The following APBA1 variants were observed in gnomAD, a reference collection of about 807,000 sequenced individuals.
APBA1 encodes amyloid-beta A4 precursor protein-binding family A member 1.
Under a neutral mutation model 86.6 loss-of-function variants are expected in APBA1, and 55 were observed. That is an observed-to-expected ratio of 0.64 (90% confidence interval 0.51 to 0.80). The LOEUF is 0.80. Among genes scored for constraint, APBA1 ranks in the 30% least tolerant of loss-of-function variants. The pLI is 0.00. For missense variants in APBA1, 1,090 were observed against 1,183.0 expected, an observed-to-expected ratio of 0.92 and a Z score of 1.15; for synonymous variants, 511 against 493.9, an observed-to-expected ratio of 1.03 and a Z score of -0.46.
At chr9:69,583,635 TAA>T (rs1821959941) in intron 1 of APBA1, among the ~76,000 whole-genome samples, 1 of 152,212 alleles carries the variant, frequency 6.6e-6, no homozygotes, top group Non-Finnish European at 1.5e-5. Context: ...AAAATCATCT[TAA>T]AAGAGATTTC....
chr9:69,497,010 T>A (rs1199769502), intron 2 of APBA1, among the ~76,000 whole-genome samples: 1 of 152,094 alleles, frequency 6.6e-6, no homozygotes, highest in African/African-American at 2.4e-5. Context: ...CTAGTCAGAC[T>A]CAAATAAAAC....
At chr9:69,657,124 C>T (rs1033417876) in intron 1 of APBA1, among the ~76,000 whole-genome samples, 2 of 152,108 alleles carry the variant, frequency 1.3e-5, no homozygotes, top group Non-Finnish European at 2.9e-5. Flanking sequence ...GGATTACAGG[C>T]GTGAGCCACC....
At chr9:69,457,781 C>T (rs1410541779) in intron 6 of APBA1, among the ~76,000 whole-genome samples, 2 of 152,090 alleles carry the variant, frequency 1.3e-5, no homozygotes, top group Non-Finnish European at 2.9e-5. Flanking sequence ...TGGTTATTAG[C>T]GAGTTTTCTT....
At chr9:69,618,085 T>G (rs1237698272) in intron 1 of APBA1, among the ~76,000 whole-genome samples, 1 of 152,188 alleles carries the variant, frequency 6.6e-6, no homozygotes, top group Non-Finnish European at 1.5e-5. Context: ...GACTGAATAG[T>G]GTTGTTTGCC....
intron 1 of APBA1, among the ~76,000 whole-genome samples, chr9:69,590,601 A>T (rs1466906424): frequency 6.6e-6 from 1 of 152,178 alleles, no homozygotes; most frequent in African/African-American, 2.4e-5. Flanking sequence ...ACAATTCTCC[A>T]ATCTGACAAA....
rs746633514 is a variant in APBA1 at position 69,452,177 on chromosome 9, T to C, written c.1913A>G (p.Gln638Arg). The C allele has an allele frequency of 6.2e-7, 1 of 1,614,210 alleles. No individual in the cohort carries two copies. The highest frequency in any genetic ancestry group is 1.1e-5 in the South Asian group (1 of 91,084). The change falls in exon 9 of 13, where the codon CAG (glutamine) becomes CGG (arginine). Residue 638 changes from glutamine to arginine, a missense_variant. This residue lies in a region of APBA1 where 97 missense variants were observed against 166.8 expected (regional missense o/e 0.58). Transcript: ENST00000265381. ...GATCAGGTCATCGTTGTACATGTCC[T>C]GGGTATTGAGCAGGTCACTATACTC... The part of the protein sequence containing the change: ...QKEYSDLLNT[Q>R]DMYNDDLIHF...
intron 1 of APBA1, among the ~76,000 whole-genome samples, chr9:69,562,673 C>T (rs1357223935): frequency 1.3e-5 from 2 of 151,916 alleles, no homozygotes; most frequent in South Asian, 4.2e-4. Context: ...CTGTACCCGG[C>T]CTGTATTTCT....
intron 2 of APBA1, among the ~76,000 whole-genome samples, chr9:69,491,985 G>C (rs369373040): frequency 5.9e-5 from 9 of 151,822 alleles, no homozygotes; most frequent in Non-Finnish European, 1.3e-4. Context: ...GGATGGTCTC[G>C]AACTCCTGAC....
chr9:69,580,793 C>T (rs1279939551), intron 1 of APBA1, among the ~76,000 whole-genome samples: 1 of 152,200 alleles, frequency 6.6e-6, no homozygotes, highest in East Asian at 1.9e-4. Flanking sequence ...ACCTTCAGCT[C>T]CCCACTACAT....
chr9:69,448,013 AC>A (rs1357738459), intron 10 of APBA1, among the ~76,000 whole-genome samples: 32 of 143,048 alleles, frequency 2.2e-4, no homozygotes, highest in Admixed American at 1.7e-3. Flanking sequence ...CCCTAGCCCC[AC>A]CCCCCCGCTT....
At chr9:69,626,865 T>C (rs1262008849) in intron 1 of APBA1, among the ~76,000 whole-genome samples, 2 of 149,426 alleles carry the variant, frequency 1.3e-5, no homozygotes, top group African/African-American at 5.0e-5. Context: ...CTCAAACTTA[T>C]AATCCTGAGG....
Position 69,441,141 on chromosome 9 carries a change from G to C in APBA1, c.2182-26C>G, listed in dbSNP as rs147262747. On this transcript the variant is annotated intron_variant, in intron 10 of 12. Transcript: ENST00000265381. Reference sequence around the variant, plus strand: ...CTTAAACATGAATAAAGTACAGTGGGTATGGTGACCACTGAGGCAGACAGA... The same window carrying C: ...CTTAAACATGAATAAAGTACAGTGGCTATGGTGACCACTGAGGCAGACAGA... 4.3e-4 allele frequency: 687 copies of C among 1,605,432 alleles called. 3 individuals carry two copies. The African/African-American group carries it at 8.0e-3, about 19-fold the overall frequency.
At chr9:69,575,120 G>C (rs1188958250) in intron 1 of APBA1, among the ~76,000 whole-genome samples, 1 of 151,890 alleles carries the variant, frequency 6.6e-6, no homozygotes, top group Non-Finnish European at 1.5e-5. Flanking sequence ...GTTTCAACAT[G>C]TTGCCCAGGC....
At chr9:69,523,514 T>TATAC in intron 1 of APBA1, among the ~76,000 whole-genome samples, 1 of 29,608 alleles carries the variant, frequency 3.4e-5, no homozygotes, top group South Asian at 9.7e-4. Flanking sequence ...TATATATATA[T>TATAC]ATATATATAT....
chr9:69,510,334 G>C (rs1364058483), intron 2 of APBA1, among the ~76,000 whole-genome samples: 40 of 151,526 alleles, frequency 2.6e-4, no homozygotes, highest in African/African-American at 8.3e-4. Flanking sequence ...GCTTCACAGA[G>C]AATAAAATAC....
At chr9:69,592,553 C>G (rs1822151501) in intron 1 of APBA1, among the ~76,000 whole-genome samples, 1 of 152,176 alleles carries the variant, frequency 6.6e-6, no homozygotes, top group African/African-American at 2.4e-5. Context: ...TATGATCACG[C>G]CACTACATTC....
At chr9:69,544,872 T>G (rs1300129857) in intron 1 of APBA1, among the ~76,000 whole-genome samples, 2 of 152,336 alleles carry the variant, frequency 1.3e-5, no homozygotes, top group East Asian at 3.9e-4. Flanking sequence ...CCCACCATTC[T>G]CTACCCAGGG....
chr9:69,439,717 C>T (rs1364180318), intron 11 of APBA1, among the ~76,000 whole-genome samples: 2 of 151,994 alleles, frequency 1.3e-5, no homozygotes, highest in East Asian at 1.9e-4. Context: ...ACTTCTTTGC[C>T]ATTGGTTTGA....
chr9:69,531,833 G>T (rs1240948499), intron 1 of APBA1, among the ~76,000 whole-genome samples: 1 of 152,172 alleles, frequency 6.6e-6, no homozygotes. Flanking sequence ...AAGCATAGTG[G>T]TTAAGAATGC....
Sources: gnomAD v4.1 joint callset for allele counts (sites outside exome capture counted in the v4.1 genomes callset) on GRCh38, gnomAD v4.1.1 for gene constraint, gnomAD v4.1.1 regional missense constraint, MANE v1.5 for transcripts, NCBI Gene and HGNC (gene_info 2026-07-23, HGNC 2026-07-21) for gene names.